KCNB2: variants seen among roughly 807,000 people sequenced by gnomAD.
KCNB2 encodes delayed rectifier potassium channel protein.
Under a neutral mutation model 61.5 loss-of-function variants are expected in KCNB2, and 15 were observed. The ratio of observed to expected loss-of-function variants is 0.24; its 90% CI spans 0.16 to 0.38. KCNB2 has a LOEUF of 0.38. Ranked by LOEUF, KCNB2 falls within the 10% of genes least tolerant of loss-of-function variation. KCNB2 has a pLI of 1.00. For synonymous variants in KCNB2, 457 were observed against 446.0 expected (o/e 1.02, Z -0.31); for missense variants, 828 against 1,125.2 (o/e 0.74, Z 3.78).
intron 2 of KCNB2, among the ~76,000 whole-genome samples, chr8:72,910,840 G>T (rs1021249594): frequency 1.3e-5 from 2 of 152,190 alleles, no homozygotes; most frequent in Non-Finnish European, 2.9e-5. Flanking sequence ...GTATTCTGAC[G>T]ATTGAAATTT....
intron 2 of KCNB2, among the ~76,000 whole-genome samples, chr8:72,652,661 G>A (rs1297792407): frequency 6.6e-6 from 1 of 152,030 alleles, no homozygotes; most frequent in Non-Finnish European, 1.5e-5. Context: ...CATTGATAGG[G>A]CTTAATGACC....
intron 2 of KCNB2, among the ~76,000 whole-genome samples, chr8:72,817,448 T>TA (rs929762309): frequency 3.9e-5 from 6 of 152,212 alleles, no homozygotes; most frequent in African/African-American, 1.4e-4. Flanking sequence ...GTAATGGCTT[T>TA]GGAGCAAGCA....
At chr8:72,725,539 ATGTGTG>A (rs1163544582) in intron 2 of KCNB2, among the ~76,000 whole-genome samples, 6 of 38,450 alleles carry the variant, frequency 1.6e-4, no homozygotes, top group East Asian at 4.0e-4. Context: ...ATATATATAT[ATGTGTG>A]TATATATATA....
chr8:72,625,836 G>C (rs1214354100), intron 2 of KCNB2, among the ~76,000 whole-genome samples: 1 of 152,064 alleles, frequency 6.6e-6, no homozygotes, highest in East Asian at 1.9e-4. Flanking sequence ...GGAGGACAGG[G>C]GTTGTCAGCT....
intron 2 of KCNB2, among the ~76,000 whole-genome samples, chr8:72,894,884 A>G (rs2129006158): frequency 6.6e-6 from 1 of 152,320 alleles, no homozygotes; most frequent in South Asian, 2.1e-4. Context: ...GATAGACCCC[A>G]GATGGAAGGG....
intron 2 of KCNB2, among the ~76,000 whole-genome samples, chr8:72,852,481 G>T (rs1810133118): frequency 6.6e-6 from 1 of 152,086 alleles, no homozygotes; most frequent in African/African-American, 2.4e-5. Flanking sequence ...ACAAACCACA[G>T]TTGAAATATT....
intron 2 of KCNB2, among the ~76,000 whole-genome samples, chr8:72,724,941 T>G (rs1192112506): frequency 6.6e-6 from 1 of 152,176 alleles, no homozygotes; most frequent in Admixed American, 6.5e-5. Context: ...TTTGAGAGCT[T>G]TAACACCAAA....
intron 1 of KCNB2, among the ~76,000 whole-genome samples, chr8:72,551,888 GAATA>G (rs1806349095): frequency 6.6e-6 from 1 of 152,050 alleles, no homozygotes; most frequent in Non-Finnish European, 1.5e-5. Context: ...TTTGTTTGTT[GAATA>G]AATGAGTAAA....
rs552878124 is a variant in KCNB2, at chr8:72,598,011, A to G, written c.579+29698A>G. On this transcript the variant is annotated intron_variant, in intron 2 of 2. Coordinates refer to ENST00000523207, the MANE Select transcript of KCNB2 (RefSeq NM_004770.3). The stretch of plus-strand genomic sequence containing the variant: ...CCAAAGGAATATAAATCATTCTACC[A>G]TAAAGACACATGCATACATGTGTTC... 4.6e-5 allele frequency among the ~76,000 whole-genome samples: 7 copies of G among 152,320 alleles called. No homozygotes were observed. The East Asian group carries it at 9.6e-4, about 21-fold the overall frequency.
chr8:72,587,161 TTGA>T (rs1807013424), intron 2 of KCNB2, among the ~76,000 whole-genome samples: 1 of 152,204 alleles, frequency 6.6e-6, no homozygotes, highest in Non-Finnish European at 1.5e-5. Flanking sequence ...CTTTGTGAAC[TTGA>T]TGAAACAGGT....
chr8:72,600,428 C>A (rs2128982424), intron 2 of KCNB2, among the ~76,000 whole-genome samples: 1 of 151,994 alleles, frequency 6.6e-6, no homozygotes, highest in Admixed American at 6.5e-5. Flanking sequence ...GAACATCACA[C>A]ACTGGGGCCT....
chr8:72,641,898 T>C (rs1320303233), intron 2 of KCNB2, among the ~76,000 whole-genome samples: 1 of 152,154 alleles, frequency 6.6e-6, no homozygotes, highest in East Asian at 1.9e-4. Context: ...GTACCAGGAA[T>C]TTCATAGGAA....
intron 2 of KCNB2, among the ~76,000 whole-genome samples, chr8:72,678,613 T>C (rs565791173): frequency 2.0e-5 from 3 of 152,342 alleles, no homozygotes; most frequent in African/African-American, 7.2e-5. Context: ...CCAGAGAGCA[T>C]TCTTTGATAA....
intron 2 of KCNB2, among the ~76,000 whole-genome samples, chr8:72,826,121 C>G (rs1248651764): frequency 6.6e-6 from 1 of 152,172 alleles, no homozygotes; most frequent in Non-Finnish European, 1.5e-5. Flanking sequence ...TGCTGTGGAT[C>G]CTAGCATCAT....
rs1246585636 is a variant in KCNB2, at chr8:72,561,775, A to ATATG, written c.-93-5866_-93-5865insATGT. On this transcript the variant is annotated intron_variant, in intron 1 of 2. Coordinates refer to ENST00000523207, the MANE Select transcript of KCNB2 (RefSeq NM_004770.3). ...TATATATATATGGATATATATATAT[A>ATATG]TGGATATATATATACATATATATAT... Among the ~76,000 whole-genome samples, 6 of 27,412 alleles carry ATATG rather than the reference A, an allele frequency of 2.2e-4. 1 individual carries two copies. The highest frequency in any genetic ancestry group is 1.7e-3 in the East Asian group (1 of 582). The allele number at this position is 27,412 out of a possible 152,430, so 18.0% of individuals were successfully genotyped here.
At chr8:72,783,905 G>A (rs751933379) in intron 2 of KCNB2, among the ~76,000 whole-genome samples, 3 of 152,038 alleles carry the variant, frequency 2.0e-5, no homozygotes, top group Non-Finnish European at 4.4e-5. Flanking sequence ...TTACCTGAAA[G>A]GCTGTTTGTT....
intron 2 of KCNB2, among the ~76,000 whole-genome samples, chr8:72,648,747 T>C (rs533483118): frequency 6.6e-6 from 1 of 152,198 alleles, no homozygotes; most frequent in Admixed American, 6.5e-5. Context: ...GAAAAATCTA[T>C]ATTGAATAAT....
intron 2 of KCNB2, among the ~76,000 whole-genome samples, chr8:72,575,705 C>A (rs1292902129): frequency 6.6e-6 from 1 of 151,984 alleles, no homozygotes; most frequent in Non-Finnish European, 1.5e-5. Flanking sequence ...AGAGGCAGTC[C>A]ACTAGAAATA....
intron 2 of KCNB2, among the ~76,000 whole-genome samples, chr8:72,929,789 GT>G (rs924928382): frequency 1.3e-4 from 20 of 151,808 alleles, no homozygotes; most frequent in African/African-American, 3.4e-4. Flanking sequence ...ACACATAATT[GT>G]TTTTTTTATT....
Sources: gnomAD v4.1 joint callset for allele counts (sites outside exome capture counted in the v4.1 genomes callset) on GRCh38, gnomAD v4.1.1 for gene constraint, MANE v1.5 for transcripts, NCBI Gene and HGNC (gene_info 2026-07-23, HGNC 2026-07-21) for gene names.